The following FKBP5 variants were observed in gnomAD, a reference collection of about 807,000 sequenced individuals.
FKBP5 encodes FKBP prolyl isomerase 5, also known as peptidyl-prolyl cis-trans isomerase FKBP5.
Under a neutral mutation model 50.5 loss-of-function variants are expected in FKBP5, and 23 were observed. That is an observed-to-expected ratio of 0.46 (90% CI 0.33 to 0.65). FKBP5 has a LOEUF of 0.65. Among genes scored for constraint, FKBP5 ranks in the 30% least tolerant of loss-of-function variants. FKBP5 has a pLI of 0.02. For synonymous variants in FKBP5, 176 were observed against 190.6 expected (o/e 0.92, Z 0.63); for missense variants, 411 against 553.1 (o/e 0.74, Z 2.58).
At chr6:35,672,741 C>A (rs1432737451) in intron 1 of FKBP5, among the ~76,000 whole-genome samples, 2 of 146,298 alleles carry the variant, frequency 1.4e-5, no homozygotes, top group East Asian at 2.0e-4. Context: ...CTGGCTAACA[C>A]GGTGAAAACT....
At chr6:35,623,461 G>A (rs1763907893) in intron 3 of FKBP5, among the ~76,000 whole-genome samples, 1 of 152,086 alleles carries the variant, frequency 6.6e-6, no homozygotes, top group Non-Finnish European at 1.5e-5. Context: ...ATGTATGTTT[G>A]CCTACTTTGC....
chr6:35,720,145 C>CG (rs944970595), intron 2 of FKBP5, among the ~76,000 whole-genome samples: 14 of 152,306 alleles, frequency 9.2e-5, no homozygotes, highest in African/African-American at 3.1e-4. Flanking sequence ...GCTGGTCTTC[C>CG]GGGGGTGCCT....
chr6:35,700,353 G>A (rs1238518522), intron 2 of FKBP5, among the ~76,000 whole-genome samples: 1 of 152,016 alleles, frequency 6.6e-6, no homozygotes, highest in Non-Finnish European at 1.5e-5. Context: ...GCCTTCTTAA[G>A]GCTTAAGCCA....
chr6:35,593,542 T>C (rs1762885495), intron 6 of FKBP5, among the ~76,000 whole-genome samples: 3 of 152,122 alleles, frequency 2.0e-5, no homozygotes, highest in African/African-American at 7.2e-5. Context: ...ATTATGGCTC[T>C]TGGTAGTCTG....
At chr6:35,701,345 G>A (rs1414258543) in intron 2 of FKBP5, among the ~76,000 whole-genome samples, 2 of 149,322 alleles carry the variant, frequency 1.3e-5, no homozygotes, top group South Asian at 2.1e-4. Flanking sequence ...CCGGGTTCAC[G>A]CCATTCTCCT....
chr6:35,583,020 G>A (rs1762484527), intron 8 of FKBP5: 2 of 927,334 alleles, frequency 2.2e-6, no homozygotes, highest in East Asian at 1.2e-4. Flanking sequence ...CCAGGAGTTC[G>A]AAGCTGCAGT....
At chr6:35,589,231 C>T (rs962045919) in intron 7 of FKBP5, among the ~76,000 whole-genome samples, 2 of 150,274 alleles carry the variant, frequency 1.3e-5, no homozygotes. Context: ...TGGGTTCAAG[C>T]GATTCACCTG....
chr6:35,614,492 T>A (rs1763583854), intron 5 of FKBP5, among the ~76,000 whole-genome samples: 6 of 152,120 alleles, frequency 3.9e-5, no homozygotes, highest in African/African-American at 1.4e-4. Flanking sequence ...AATAATTTGT[T>A]ACAATTGAGT....
chr6:35,669,783 T>C (rs1337062464), intron 1 of FKBP5, among the ~76,000 whole-genome samples: 1 of 152,224 alleles, frequency 6.6e-6, no homozygotes, highest in Non-Finnish European at 1.5e-5. Flanking sequence ...AAACCTCTTA[T>C]AACTTATGAC....
chr6:35,580,094 A>G lies in FKBP5; in HGVS notation c.968T>C (p.Leu323Pro). ...TCTAAGCTTCAGGTAGCACATGGCCAGGTTCAGAAAGGCAGCAAGGAGAAA... is the reference window on the plus strand; with the variant it reads ...TCTAAGCTTCAGGTAGCACATGGCCGGGTTCAGAAAGGCAGCAAGGAGAAA... ...ESFLLAAFLN[L>P]AMCYLKLREY... Residue 323 changes from leucine (L) to proline (P), a missense_variant, in exon 9 of 11, where the codon CTG becomes CCG. Leu to Pro is a moderately conservative substitution (Grantham distance 98, BLOSUM62 -3). This residue lies in a region of FKBP5 where 267 missense variants were observed against 405.9 expected (regional missense o/e 0.66). Transcript: ENST00000357266. 1 of 1,614,168 alleles carries G rather than the reference A, an allele frequency of 6.2e-7. No individual in the cohort carries two copies. Among genetic ancestry groups the G allele is most frequent in the Non-Finnish European group, 8.5e-7 (1 of 1,180,000 alleles).
chr6:35,690,267 G>GT (rs1765959727), upstream of FKBP5, among the ~76,000 whole-genome samples: 1 of 152,146 alleles, frequency 6.6e-6, no homozygotes, highest in Non-Finnish European at 1.5e-5. Context: ...TCGGGAGTTC[G>GT]AGACGAGCCT....
chr6:35,645,219 A>C (rs1274040042), intron 1 of FKBP5, among the ~76,000 whole-genome samples: 1 of 152,242 alleles, frequency 6.6e-6, no homozygotes, highest in Non-Finnish European at 1.5e-5. Context: ...AGACAAAAAC[A>C]GATTGTGGAG....
chr6:35,633,738 T>C (rs976860741), intron 3 of FKBP5, among the ~76,000 whole-genome samples: 3 of 152,108 alleles, frequency 2.0e-5, no homozygotes, highest in East Asian at 1.9e-4. Context: ...TAGTCTTTTA[T>C]GGTTTTTGTT....
chr6:35,720,747 T>C (rs1258680190), intron 1 of FKBP5, among the ~76,000 whole-genome samples: 1 of 152,298 alleles, frequency 6.6e-6, no homozygotes, highest in Admixed American at 6.5e-5. Context: ...CCCCAGCTCC[T>C]TGGAGCCACG....
chr6:35,579,299 T>C (rs1283118603), intron 9 of FKBP5, among the ~76,000 whole-genome samples: 1 of 152,200 alleles, frequency 6.6e-6, no homozygotes, highest in Non-Finnish European at 1.5e-5. Flanking sequence ...ACAAAGAATG[T>C]ACAAAATAGT....
At chr6:35,702,688 G>A (rs375240273) in intron 2 of FKBP5, among the ~76,000 whole-genome samples, 360 of 151,848 alleles carry the variant, frequency 2.4e-3, no homozygotes, top group Non-Finnish European at 4.2e-3. Flanking sequence ...TCCTGACCTC[G>A]TGATCCACCC....
chr6:35,674,089 C>A (rs1407425995), intron 1 of FKBP5, among the ~76,000 whole-genome samples: 1 of 152,120 alleles, frequency 6.6e-6, no homozygotes, highest in Non-Finnish European at 1.5e-5. Flanking sequence ...AGGATCTAGA[C>A]TGGGGTTTTG....
chr6:35,601,005 G>C (rs1763129661), intron 5 of FKBP5, among the ~76,000 whole-genome samples: 1 of 152,128 alleles, frequency 6.6e-6, no homozygotes, highest in Admixed American at 6.5e-5. Context: ...TGTAACAAAG[G>C]CATAATTAAG....
chr6:35,653,276 A>T (rs1313932861), intron 1 of FKBP5, among the ~76,000 whole-genome samples: 1 of 152,166 alleles, frequency 6.6e-6, no homozygotes, highest in East Asian at 1.9e-4. Context: ...AAAAGGATTG[A>T]GCTCAGGAGT....
Sources: allele counts gnomAD v4.1 joint callset (sites outside exome capture counted in the v4.1 genomes callset), GRCh38; gene constraint gnomAD v4.1.1; regional missense constraint gnomAD v4.1.1; transcripts MANE v1.5; gene names NCBI Gene and HGNC (gene_info 2026-07-23, HGNC 2026-07-21).